The following SLC35A3 variants were observed in gnomAD, a reference collection of about 807,000 sequenced individuals.
SLC35A3 encodes the protein UDP-N-acetylglucosamine transporter.
SLC35A3 carries 26 observed loss-of-function variants against 39.0 expected under a neutral mutation model. The observed-to-expected ratio is 0.67, with a 90% CI of 0.49 to 0.92. The LOEUF (loss-of-function observed/expected upper bound fraction) is 0.92, where lower values mean the gene tolerates loss of function less well. SLC35A3 is among the 40% of genes least tolerant of loss of function. SLC35A3 has a pLI of 0.00. For synonymous variants in SLC35A3, 135 were observed against 133.1 expected (o/e 1.01, Z -0.10); for missense variants, 299 against 371.6 (o/e 0.80, Z 1.61).
At chr1:100,017,324 A>C (rs1280679917) in intron 6 of SLC35A3, among the ~76,000 whole-genome samples, 1 of 152,218 alleles carries the variant, frequency 6.6e-6, no homozygotes. Flanking sequence ...AATTTTACTC[A>C]AAAGTAAAAA....
chr1:100,020,602 A>G (rs1420554860), intron 7 of SLC35A3, among the ~76,000 whole-genome samples: 1 of 152,228 alleles, frequency 6.6e-6, no homozygotes, highest in Non-Finnish European at 1.5e-5. Context: ...TAATCATAAC[A>G]GATAATTACT....
intron 1 of SLC35A3, among the ~76,000 whole-genome samples, chr1:99,986,239 A>G (rs756759993): frequency 7.5e-5 from 11 of 145,846 alleles, no homozygotes; most frequent in Admixed American, 1.4e-4. Context: ...ACCATGGTTC[A>G]CTGCAGCCTC....
At chr1:99,989,770 T>C (rs1385684619) in intron 1 of SLC35A3, among the ~76,000 whole-genome samples, 1 of 152,178 alleles carries the variant, frequency 6.6e-6, no homozygotes, top group African/African-American at 2.4e-5. Context: ...AATTTATTAT[T>C]GTTTTATTTT....
chr1:99,984,818 C>T (rs1418093241), intron 1 of SLC35A3, among the ~76,000 whole-genome samples: 2 of 152,118 alleles, frequency 1.3e-5, no homozygotes, highest in Non-Finnish European at 2.9e-5. Context: ...TTTTGATTTG[C>T]ATTTCCCTGA....
intron 3 of SLC35A3, among the ~76,000 whole-genome samples, chr1:100,003,987 C>T (rs1417638447): frequency 2.6e-5 from 4 of 152,118 alleles, no homozygotes; most frequent in Non-Finnish European, 5.9e-5. Context: ...TATCCCTTTA[C>T]TTTCGTCTGT....
At chr1:100,019,492 C>T (rs1427249765) in intron 7 of SLC35A3, among the ~76,000 whole-genome samples, 2 of 152,114 alleles carry the variant, frequency 1.3e-5, no homozygotes, top group Admixed American at 6.5e-5. Context: ...GGTAACTAAG[C>T]CCTCTATCTT....
At chr1:99,985,493 G>A (rs765029475) in intron 1 of SLC35A3, among the ~76,000 whole-genome samples, 17 of 152,180 alleles carry the variant, frequency 1.1e-4, no homozygotes, top group Admixed American at 3.3e-4. Context: ...TTGAAGTCAG[G>A]TAATGTGATA....
chr1:99,982,292 C>T lies in SLC35A3; in HGVS notation c.-18-11245C>T, dbSNP rs138727071. On this transcript the variant is annotated intron_variant, in intron 1 of 7. Coordinates refer to ENST00000533028, the MANE Select transcript of SLC35A3 (RefSeq NM_012243.3). Reference sequence around the variant, plus strand: ...CTGGGATTACAGGTGTGAGCCACTGCGTCCGGCCTGTATTCTATTTTTGAA... The same window carrying T: ...CTGGGATTACAGGTGTGAGCCACTGTGTCCGGCCTGTATTCTATTTTTGAA... 8.5e-3 allele frequency among the ~76,000 whole-genome samples: 1,300 copies of T among 152,166 alleles called. 10 individuals are homozygous for T. Among genetic ancestry groups the T allele is most frequent in the East Asian group, 0.035 (182 of 5,192 alleles).
At position 100,032,502 on chromosome 1, in the gene SLC35A3, CAT is replaced by C. The variant is rs1553206520; in HGVS notation, c.*10033_*10034del. On this transcript the variant is annotated 3_prime_UTR_variant, in exon 8 of 8. Transcript: ENST00000533028. Reference sequence around the variant, plus strand: ...ATCGGTCACAGTTCTTTTTGATGCTCATATATATTGTGAGCCTCTAGCCCATG... The same window carrying C: ...ATCGGTCACAGTTCTTTTTGATGCTCATATATTGTGAGCCTCTAGCCCATG... The C allele has an allele frequency of 6.6e-6, 1 of 152,076 alleles. No individual in the cohort carries two copies. Among genetic ancestry groups the C allele is most frequent in the Non-Finnish European group, 1.5e-5 (1 of 68,024 alleles). 9.4% of individuals were successfully genotyped at this position (152,076 alleles called of 1,614,324 possible).
chr1:99,977,209 C>T (rs1345805443), intron 1 of SLC35A3, among the ~76,000 whole-genome samples: 2 of 151,908 alleles, frequency 1.3e-5, no homozygotes. Context: ...CAGGGTCTTA[C>T]TCTGTCACAC....
intron 4 of SLC35A3, chr1:100,007,786 G>A (rs1360158360): frequency 6.6e-6 from 1 of 151,576 alleles, no homozygotes; most frequent in African/African-American, 2.4e-5. Flanking sequence ...AGTGTTAGAT[G>A]TGAGCCACTG....
intron 1 of SLC35A3, among the ~76,000 whole-genome samples, chr1:99,990,810 G>T (rs975840341): frequency 2.6e-5 from 4 of 152,132 alleles, no homozygotes; most frequent in Non-Finnish European, 5.9e-5. Context: ...CCTTTGGGAG[G>T]TAATTAGGTC....
chr1:99,992,229 T>G (rs895501894), intron 1 of SLC35A3, among the ~76,000 whole-genome samples: 1 of 152,224 alleles, frequency 6.6e-6, no homozygotes, highest in Admixed American at 6.5e-5. Context: ...TTTTGCTTTA[T>G]GTATTTTGAA....
intron 1 of SLC35A3, among the ~76,000 whole-genome samples, chr1:99,982,832 A>C (rs967551545): frequency 6.6e-6 from 1 of 152,198 alleles, no homozygotes; most frequent in African/African-American, 2.4e-5. Flanking sequence ...AAAAATAATA[A>C]AACTGAACTT....
chr1:99,977,395 G>T (rs1251195102), intron 1 of SLC35A3, among the ~76,000 whole-genome samples: 1 of 151,296 alleles, frequency 6.6e-6, no homozygotes, highest in Admixed American at 6.6e-5. Flanking sequence ...TTAGCTGGGC[G>T]TGGTGGCAGG....
chr1:99,985,821 G>A (rs1657712036), intron 1 of SLC35A3, among the ~76,000 whole-genome samples: 3 of 152,024 alleles, frequency 2.0e-5, no homozygotes, highest in Admixed American at 1.3e-4. Context: ...TTATTTTATT[G>A]TTTTGCAGCT....
chr1:100,012,839 G>T (rs956663437), intron 5 of SLC35A3, among the ~76,000 whole-genome samples: 1 of 152,142 alleles, frequency 6.6e-6, no homozygotes, highest in South Asian at 2.1e-4. Context: ...TAGAGGGCTG[G>T]TTAAATAAAT....
intron 2 of SLC35A3, among the ~76,000 whole-genome samples, chr1:99,994,045 A>AT (rs1258093722): frequency 1.3e-5 from 2 of 152,014 alleles, no homozygotes; most frequent in Admixed American, 6.6e-5. Flanking sequence ...AATCATAATA[A>AT]TTTTTTTACT....
rs1661274005 is a variant in SLC35A3 at position 100,032,070 on chromosome 1, T to C, written c.*9594T>C. 1.3e-5 allele frequency: 2 copies of C among 152,132 alleles called. No individual in the cohort carries two copies. Among genetic ancestry groups the C allele is most frequent in the African/African-American group, 4.8e-5 (2 of 41,378 alleles). 9.4% of individuals were successfully genotyped at this position (152,132 alleles called of 1,614,324 possible). On this transcript the variant is annotated 3_prime_UTR_variant, in exon 8 of 8. Coordinates refer to ENST00000533028, the MANE Select transcript of SLC35A3 (RefSeq NM_012243.3). ...GTAAAAATATTTCACAGATTTTATA[T>C]TGTATCATATTAAAAGGCACAGATA...
Sources: allele counts gnomAD v4.1 joint callset (sites outside exome capture counted in the v4.1 genomes callset), GRCh38; gene constraint gnomAD v4.1.1; transcripts MANE v1.5; gene names NCBI Gene and HGNC (gene_info 2026-07-23, HGNC 2026-07-21).